MAP2K5: variants seen among roughly 807,000 people sequenced by gnomAD.
The protein encoded by MAP2K5 is mitogen-activated protein kinase kinase 5, also known as dual specificity mitogen-activated protein kinase kinase 5.
In MAP2K5, 49 loss-of-function variants were observed where a neutral mutation model predicts 83.1. That is an observed-to-expected ratio of 0.59 (90% CI 0.47 to 0.75). The LOEUF (loss-of-function observed/expected upper bound fraction) is 0.75, where lower values mean the gene tolerates loss of function less well. MAP2K5 is among the 30% of genes least tolerant of loss of function. MAP2K5 has a pLI of 0.00. For synonymous variants in MAP2K5, 202 were observed against 191.8 expected (o/e 1.05, Z -0.44); for missense variants, 457 against 557.5 (o/e 0.82, Z 1.82).
chr15:67,779,261 TATAAAGAGG>T lies in MAP2K5; in HGVS notation c.1242+6511_1242+6519del, dbSNP rs1409055494. On this transcript the variant is annotated intron_variant, in intron 21 of 21. Transcript: ENST00000178640. This position sits in a 1 kb window ranked among gnomAD's most constrained non-coding sequence, Gnocchi z 4.6. ...TTAAAATCATCTGTTTGTGTCTGCT[TATAAAGAGG>T]AACCCACTAGTAAAGAAGTTGATTT... is the stretch of plus-strand genomic sequence containing the variant. 6.6e-6 allele frequency among the ~76,000 whole-genome samples: 1 copy of T among 152,220 alleles called. No individual in the cohort carries two copies. Among genetic ancestry groups the T allele is most frequent in the East Asian group, 1.9e-4 (1 of 5,202 alleles).
Position 67,748,454 on chromosome 15 carries a change from C to G in MAP2K5, c.1102-115C>G. 6 of 923,862 alleles carry G rather than the reference C, an allele frequency of 6.5e-6. No homozygotes were observed. Among genetic ancestry groups the G allele is most frequent in the Non-Finnish European group, 1.0e-5 (6 of 590,686 alleles). 57.2% of individuals were successfully genotyped at this position (923,862 alleles called of 1,614,324 possible). On this transcript the variant is annotated intron_variant, in intron 18 of 21. Coordinates refer to ENST00000178640, the MANE Select transcript of MAP2K5 (RefSeq NM_145160.3). The surrounding 1 kb of genome is among the most constrained non-coding windows in gnomAD (Gnocchi z 4.0). ...GCATCAATGTTTTTATAAGAGTTTG[C>G]TGTTGTTGATTAATCTTGCTATATT...
rs180781459 is a variant in MAP2K5 at position 67,768,007 on chromosome 15, C to G, written c.1135-1595C>G. Reference sequence around the variant, plus strand: ...TTAAAGAGGACAGATATGCAAAAACCAAGAAACATTTTGTTCATGTTTCTT... The same window carrying G: ...TTAAAGAGGACAGATATGCAAAAACGAAGAAACATTTTGTTCATGTTTCTT... On this transcript the variant is annotated intron_variant, in intron 19 of 21. Coordinates refer to ENST00000178640, the MANE Select transcript of MAP2K5 (RefSeq NM_145160.3). This position sits in a 1 kb window ranked among gnomAD's most constrained non-coding sequence, Gnocchi z 4.0. Among the ~76,000 whole-genome samples the G allele has an allele frequency of 6.6e-6, 1 of 152,232 alleles. No individual in the cohort carries two copies. The highest frequency in any genetic ancestry group is 1.9e-4 in the East Asian group (1 of 5,182).
intron 13 of MAP2K5, among the ~76,000 whole-genome samples, chr15:67,667,769 G>A (rs1462585246): frequency 2.0e-5 from 3 of 152,152 alleles, no homozygotes; most frequent in East Asian, 1.9e-4. Context: ...CATTTATATG[G>A]CTTCCTTGGA....
rs966158251 is a variant in MAP2K5, at chr15:67,783,180, G to A, written c.1242+10428G>A. On this transcript the variant is annotated intron_variant, in intron 21 of 21. Coordinates refer to ENST00000178640, the MANE Select transcript of MAP2K5 (RefSeq NM_145160.3). The surrounding 1 kb of genome is among the most constrained non-coding windows in gnomAD (Gnocchi z 5.1). ...TGTGCCCAGCATCCTGCCTGACACC[G>A]AGGAGGCAGCATGTCAGCCCCAAGT... is the stretch of plus-strand genomic sequence containing the variant. Among the ~76,000 whole-genome samples the A allele has an allele frequency of 2.0e-5, 3 of 152,188 alleles. No homozygotes were observed. The highest frequency in any genetic ancestry group is 4.4e-5 in the Non-Finnish European group (3 of 68,032).
At chr15:67,765,299 C>T (rs1441926416) in intron 19 of MAP2K5, among the ~76,000 whole-genome samples, 2 of 152,232 alleles carry the variant, frequency 1.3e-5, no homozygotes, top group African/African-American at 2.4e-5. Flanking sequence ...GCAGAGGTTG[C>T]AGTGAGCCAA....
At chr15:67,645,644 C>A (rs2086814821) in intron 9 of MAP2K5, among the ~76,000 whole-genome samples, 1 of 152,042 alleles carries the variant, frequency 6.6e-6, no homozygotes, top group African/African-American at 2.4e-5. Context: ...GCCTCAAATT[C>A]CTGAGCTCAA....
At chr15:67,583,911 A>AT (rs920944979) in intron 4 of MAP2K5, among the ~76,000 whole-genome samples, 9 of 150,398 alleles carry the variant, frequency 6.0e-5, no homozygotes, top group East Asian at 2.0e-4. Context: ...CACGCTGGGC[A>AT]TTTTTTTTTA....
intron 4 of MAP2K5, among the ~76,000 whole-genome samples, chr15:67,585,076 C>CAAAAA (rs59012209): frequency 8.2e-6 from 1 of 122,168 alleles, no homozygotes; most frequent in Non-Finnish European, 1.7e-5. Flanking sequence ...GAGAGAGGAG[C>CAAAAA]AAAAAAAAAA....
chr15:67,611,953 C>T (rs1380312029), intron 8 of MAP2K5, among the ~76,000 whole-genome samples: 1 of 152,190 alleles, frequency 6.6e-6, no homozygotes, highest in African/African-American at 2.4e-5. Flanking sequence ...TTCCTCCCTC[C>T]TTCCTTGGAA....
In MAP2K5 at chr15:67,783,302, C is replaced by G. The variant is rs1333301993; in HGVS notation, c.1242+10550C>G. Among the ~76,000 whole-genome samples the G allele has an allele frequency of 1.3e-5, 2 of 152,342 alleles. No homozygotes were observed. Among genetic ancestry groups the G allele is most frequent in the Non-Finnish European group, 2.9e-5 (2 of 68,036 alleles). On this transcript the variant is annotated intron_variant, in intron 21 of 21. Transcript: ENST00000178640. This position sits in a 1 kb window ranked among gnomAD's most constrained non-coding sequence, Gnocchi z 5.1. Reference sequence around the variant, plus strand: ...GTGAGAATTGCCAGAGACCCCCGCTCACCTTCTCCTCCCACCCTCACCTAC... The same window carrying G: ...GTGAGAATTGCCAGAGACCCCCGCTGACCTTCTCCTCCCACCCTCACCTAC...
chr15:67,543,592 C>A lies in MAP2K5; in HGVS notation c.135+122C>A. On this transcript the variant is annotated intron_variant, in intron 1 of 21. Transcript: ENST00000178640. This position sits in a 1 kb window ranked among gnomAD's most constrained non-coding sequence, Gnocchi z 4.3. ...GGCTACTGCTGGCTTCCTGTGGAGG[C>A]AGTTTTATTGCTTCAGGCACAGCAT... 3 of 1,110,590 alleles carry A rather than the reference C, an allele frequency of 2.7e-6. No individual in the cohort carries two copies. Among genetic ancestry groups the A allele is most frequent in the Non-Finnish European group, 1.3e-6 (1 of 761,884 alleles). 68.8% of individuals were successfully genotyped at this position (1,110,590 alleles called of 1,614,324 possible).
chr15:67,617,173 T>TAA (rs1276550268), intron 8 of MAP2K5, among the ~76,000 whole-genome samples: 1 of 152,218 alleles, frequency 6.6e-6, no homozygotes, highest in Non-Finnish European at 1.5e-5. Flanking sequence ...TAAATTGACA[T>TAA]TTATGACATA....
rs144745221 is a variant in MAP2K5, at chr15:67,597,674, C to T, written c.481-3011C>T. ...TATCTAAATGAAAAAAGCAGAAATA[C>T]TACTGGTTGATTGTAGATCCCTTTA... On this transcript the variant is annotated intron_variant, in intron 7 of 21. Coordinates refer to ENST00000178640, the MANE Select transcript of MAP2K5 (RefSeq NM_145160.3). 7.9e-3 allele frequency among the ~76,000 whole-genome samples: 1,195 copies of T among 152,196 alleles called. 12 individuals carry two copies. Among genetic ancestry groups the T allele is most frequent in the Non-Finnish European group, 0.014 (933 of 68,006 alleles).
intron 17 of MAP2K5, among the ~76,000 whole-genome samples, chr15:67,732,890 C>A (rs1235902579): frequency 6.6e-6 from 1 of 152,114 alleles, no homozygotes; most frequent in Admixed American, 6.5e-5. Context: ...AAATTGGATG[C>A]ACCTGAGATT....
chr15:67,567,587 A>G (rs891190453), intron 3 of MAP2K5, among the ~76,000 whole-genome samples: 2 of 151,152 alleles, frequency 1.3e-5, no homozygotes. Context: ...GATGGTCTCG[A>G]TCTCCTGACC....
At chr15:67,608,803 T>A (rs1186455213) in intron 8 of MAP2K5, among the ~76,000 whole-genome samples, 1 of 152,162 alleles carries the variant, frequency 6.6e-6, no homozygotes, top group Non-Finnish European at 1.5e-5. Flanking sequence ...CAGTCGGCCT[T>A]TGGTTAGAGT....
Position 67,646,486 on chromosome 15 carries a change from A to G in MAP2K5, c.736+17A>G, listed in dbSNP as rs749971622. ...TCATGGATGGTGAGTTTTCCCTTTT[A>G]TAATACTTTTAAAATGATTTTTAGA... On this transcript the variant is annotated intron_variant, in intron 11 of 21. Transcript: ENST00000178640. The G allele has an allele frequency of 1.4e-6, 2 of 1,445,734 alleles. No homozygotes were observed. The highest frequency in any genetic ancestry group is 1.2e-5 in the South Asian group (1 of 81,810). The allele number at this position is 1,445,734 out of a possible 1,614,324, so 89.6% of individuals were successfully genotyped here.
intron 21 of MAP2K5, among the ~76,000 whole-genome samples, chr15:67,799,717 G>C (rs568682933): frequency 6.6e-6 from 1 of 152,246 alleles, no homozygotes; most frequent in Admixed American, 6.5e-5. Flanking sequence ...AGACAGATCT[G>C]CCCAGTGGGC....
At chr15:67,564,467 T>C (rs968067753) in intron 3 of MAP2K5, among the ~76,000 whole-genome samples, 1 of 152,244 alleles carries the variant, frequency 6.6e-6, no homozygotes, top group African/African-American at 2.4e-5. Flanking sequence ...TGTTTCATTG[T>C]AATGAAAACT....
Sources: allele counts gnomAD v4.1 joint callset (sites outside exome capture counted in the v4.1 genomes callset), GRCh38; gene constraint gnomAD v4.1.1; non-coding constraint Gnocchi (gnomAD v3.1); transcripts MANE v1.5; gene names NCBI Gene and HGNC (gene_info 2026-07-23, HGNC 2026-07-21).